Variants in ADAMTSL4 observed in about 807,000 individuals in gnomAD.
ADAMTSL4 encodes the protein ADAMTS like 4, also known as ADAMTS-like protein 4.
In ADAMTSL4, 97 loss-of-function variants were observed where a neutral mutation model predicts 122.8. That is an observed-to-expected ratio of 0.79 (90% CI 0.67 to 0.93). The LOEUF is 0.93. ADAMTSL4 is among the 40% of genes least tolerant of loss of function. The pLI is 0.00. For missense variants in ADAMTSL4, 1,408 were observed against 1,453.5 expected (o/e 0.97, Z 0.51); for synonymous variants, 592 against 568.0 (o/e 1.04, Z -0.60).
rs766291988 is a variant in ADAMTSL4 at position 150,555,416 on chromosome 1, C to T, written c.1235-13C>T. On this transcript the variant is annotated splice_polypyrimidine_tract_variant and intron_variant, in intron 7 of 18. Coordinates refer to ENST00000271643, the MANE Select transcript of ADAMTSL4 (RefSeq NM_019032.6). The stretch of plus-strand genomic sequence containing the variant: ...AGGGAGCCCACTAACCACCCTTCTA[C>T]CCTGTCCCTTAGTCCAGGGCTCCCA... 15 of 1,613,880 alleles carry T rather than the reference C, an allele frequency of 9.3e-6. 1 individual carries two copies. The highest frequency in any genetic ancestry group is 6.6e-5 in the South Asian group (6 of 91,084).
In ADAMTSL4 at chr1:150,552,757, C is replaced by A; in HGVS notation, c.79-141C>A. On this transcript the variant is annotated intron_variant, in intron 4 of 18. Transcript: ENST00000271643. This position sits in a 1 kb window ranked among gnomAD's most constrained non-coding sequence, Gnocchi z 4.0. ...TTCCTTGCCTCATAACACCAAGAGG[C>A]CGAGGTGTAGTTCTCCCTCTGCTGC... 7.8e-7 allele frequency: 1 copy of A among 1,284,496 alleles called. No homozygotes were observed. The highest frequency in any genetic ancestry group is 1.2e-5 in the South Asian group (1 of 81,784). 79.6% of individuals were successfully genotyped at this position (1,284,496 alleles called of 1,614,324 possible). A position where few individuals can be genotyped will look rare whatever the true frequency, so the allele number is the denominator to read the frequency against.
Position 150,552,189 on chromosome 1 carries a change from G to T in ADAMTSL4, c.-84-16G>T. On this transcript the variant is annotated splice_polypyrimidine_tract_variant and intron_variant, in intron 2 of 18. Coordinates refer to ENST00000271643, the MANE Select transcript of ADAMTSL4 (RefSeq NM_019032.6). This position sits in a 1 kb window ranked among gnomAD's most constrained non-coding sequence, Gnocchi z 4.0. The stretch of plus-strand genomic sequence containing the variant: ...TGGACACTGGAGAGGTAACCACCAG[G>T]CTTCTGTCCCTGCAGAGAGCACCCT... 7.7e-7 allele frequency: 1 copy of T among 1,297,952 alleles called. No homozygotes were observed. Among genetic ancestry groups the T allele is most frequent in the Non-Finnish European group, 1.1e-6 (1 of 931,184 alleles). 80.4% of individuals were successfully genotyped at this position (1,297,952 alleles called of 1,614,324 possible). A position where few individuals can be genotyped will look rare whatever the true frequency, so the allele number is the denominator to read the frequency against.
intron 2 of ADAMTSL4, chr1:150,550,992 A>G (rs1295159412): frequency 2.2e-6 from 1 of 449,192 alleles, no homozygotes; most frequent in East Asian, 7.0e-5. Context: ...ACAGAAACAG[A>G]TTTTTTTTTT....
rs995446810 is a variant in ADAMTSL4 at position 150,554,472 on chromosome 1, G to A, written c.1234+5G>A. On this transcript the variant is annotated splice_donor_5th_base_variant and intron_variant, in intron 7 of 18. Transcript: ENST00000271643. The surrounding 1 kb of genome is among the most constrained non-coding windows in gnomAD (Gnocchi z 4.0). The stretch of plus-strand genomic sequence containing the variant: ...AGTGGGAGCCCTTCACTGAAGGTGA[G>A]GTTTCTTGCTCACCCCTGGGCAGTG... 2 of 1,614,038 alleles carry A rather than the reference G, an allele frequency of 1.2e-6. No homozygotes were observed. Among genetic ancestry groups the A allele is most frequent in the Admixed American group, 3.3e-5 (2 of 59,994 alleles).
intron 14 of ADAMTSL4, 85 bp from the exon 15 acceptor site, chr1:150,558,388 A>G (rs920146314): frequency 2.5e-6 from 4 of 1,594,342 alleles, no homozygotes; most frequent in Admixed American, 1.7e-5. Flanking sequence ...GATCGAAGGC[A>G]GAGCCTGGTT....
intron 2 of ADAMTSL4, chr1:150,551,014 G>A (rs1395165921): frequency 2.2e-6 from 1 of 456,058 alleles, no homozygotes; most frequent in Admixed American, 2.3e-5. Context: ...CTGGAAAGCA[G>A]AACTAAGAGT....
In ADAMTSL4 at chr1:150,554,173, C is replaced by T. The variant is rs1043015674; in HGVS notation, c.1131+51C>T. On this transcript the variant is annotated intron_variant, in intron 6 of 18. Coordinates refer to ENST00000271643, the MANE Select transcript of ADAMTSL4 (RefSeq NM_019032.6). The surrounding 1 kb of genome is among the most constrained non-coding windows in gnomAD (Gnocchi z 4.0). ...CAACCCCGACCTCCAGTGTGGCTTC[C>T]CTGCCCTGAAGCTGGGTCTTCAGCT... The T allele has an allele frequency of 1.3e-6, 2 of 1,587,946 alleles. No individual in the cohort carries two copies. Among genetic ancestry groups the T allele is most frequent in the Non-Finnish European group, 1.7e-6 (2 of 1,171,932 alleles).
rs775323423 is a variant in ADAMTSL4 at position 150,558,972 on chromosome 1, A to T, written c.2570A>T (p.Glu857Val). The change falls in exon 16 of 19, where the codon GAG becomes GTG. Residue 857 changes from glutamate (E) to valine (V), a missense_variant. Physicochemically the swap from Glu to Val is moderately radical, Grantham distance 121. Coordinates refer to ENST00000271643, the MANE Select transcript of ADAMTSL4 (RefSeq NM_019032.6). ...HSDWSSKCSA[E>V]CGTGIQRRSV... Reference sequence around the variant, plus strand: ...TCTCCTCCTCCGCAGTGCTCAGCCGAGTGTGGGACGGGAATCCAGCGGCGC... The same window carrying T: ...TCTCCTCCTCCGCAGTGCTCAGCCGTGTGTGGGACGGGAATCCAGCGGCGC... 2 of 1,608,820 alleles carry T rather than the reference A, an allele frequency of 1.2e-6. No individual in the cohort carries two copies. Among genetic ancestry groups the T allele is most frequent in the East Asian group, 2.2e-5 (1 of 44,756 alleles).
chr1:150,555,630 T>G lies in ADAMTSL4; in HGVS notation c.1371+65T>G, dbSNP rs1671960526. On this transcript the variant is annotated intron_variant, in intron 8 of 18. Coordinates refer to ENST00000271643, the MANE Select transcript of ADAMTSL4 (RefSeq NM_019032.6). ...ATGCACACAGACACATGCCCCCATA[T>G]GCATACACATGTACACACATATGTA... The G allele has an allele frequency of 4.5e-6, 7 of 1,562,544 alleles. No individual in the cohort carries two copies. In the South Asian group the frequency reaches 8.0e-5, roughly 18 times the overall value.
Position 150,559,287 on chromosome 1 carries a change from T to C in ADAMTSL4, c.2764T>C (p.Cys922Arg), listed in dbSNP as rs1266753711. The C allele has an allele frequency of 1.9e-6, 3 of 1,613,850 alleles. No individual in the cohort carries two copies. Among genetic ancestry groups the C allele is most frequent in the East Asian group, 2.2e-5 (1 of 44,896 alleles). ...WRWYTGPWGE[C>R]SSECGSGTQR... ...TCACCCTGCCCTCCCCCTACACTAGTGCTCCTCCGAATGTGGCTCTGGCAC... is the reference window on the plus strand; with the variant it reads ...TCACCCTGCCCTCCCCCTACACTAGCGCTCCTCCGAATGTGGCTCTGGCAC... The change falls in exon 17 of 19, where the codon TGC becomes CGC. Residue 922 changes from cysteine to arginine, a missense_variant and splice_region_variant. Physicochemically the swap from Cys to Arg is radical, Grantham distance 180. Transcript: ENST00000271643. The surrounding 1 kb of genome is among the most constrained non-coding windows in gnomAD (Gnocchi z 4.1).
Position 150,557,614 on chromosome 1 carries a change from GC to G in ADAMTSL4, c.2174del (p.Pro725HisfsTer94), listed in dbSNP as rs1672306962. ...CCTGAACCCTGCCACGGCACCCCATGCCCCCCATAGTGAGTATGGGGGAGCC... is the reference window on the plus strand; with the variant it reads ...CCTGAACCCTGCCACGGCACCCCATGCCCCCATAGTGAGTATGGGGGAGCC... ...ASPEPCHGTP[C>X]PPYWEAGEWT... is the part of the protein sequence containing the mutation. On this transcript the variant is annotated frameshift_variant, in exon 13 of 19. Coordinates refer to ENST00000271643, the MANE Select transcript of ADAMTSL4 (RefSeq NM_019032.6). LOFTEE classifies it high-confidence loss of function. 2 of 1,599,708 alleles carry G rather than the reference GC, an allele frequency of 1.3e-6. No homozygotes were observed. Among genetic ancestry groups the G allele is most frequent in the Admixed American group, 1.7e-5 (1 of 57,884 alleles).
chr1:150,550,466 G>T (rs1312372758), intron 2 of ADAMTSL4: 1 of 397,292 alleles, frequency 2.5e-6, no homozygotes. Context: ...GCTCGGGATG[G>T]GATTATGTGT....
At chr1:150,551,918 G>A in intron 2 of ADAMTSL4, 1 of 267,452 alleles carries the variant, frequency 3.7e-6, no homozygotes, top group Admixed American at 5.1e-5. Context: ...CCTTTTGTGT[G>A]TGCCTGAGCC....
In ADAMTSL4 at chr1:150,556,301, T is replaced by C. The variant is rs1672107936; in HGVS notation, c.1511T>C (p.Leu504Ser). Residue 504 changes from leucine to serine, a missense_variant, in exon 9 of 19, where the codon TTG (leucine) becomes TCG (serine). By Grantham distance (145) the Leu-to-Ser change is moderately radical. Coordinates refer to ENST00000271643, the MANE Select transcript of ADAMTSL4 (RefSeq NM_019032.6). The surrounding 1 kb of genome is among the most constrained non-coding windows in gnomAD (Gnocchi z 4.1). ...RGGPLGYQKI[L>S]WIPAGALRLQ... is the part of the protein sequence containing the mutation. The stretch of plus-strand genomic sequence containing the variant: ...GGCCCCCTGGGCTATCAGAAGATCT[T>C]GTGGATTCCAGCGGGAGCCTTGCGG... 2 of 1,613,958 alleles carry C rather than the reference T, an allele frequency of 1.2e-6. No homozygotes were observed. The highest frequency in any genetic ancestry group is 1.7e-6 in the Non-Finnish European group (2 of 1,180,018).
In ADAMTSL4 at chr1:150,556,926, C is replaced by G. The variant is rs781385337; in HGVS notation, c.1750-13C>G. On this transcript the variant is annotated splice_polypyrimidine_tract_variant and intron_variant, in intron 10 of 18. Coordinates refer to ENST00000271643, the MANE Select transcript of ADAMTSL4 (RefSeq NM_019032.6). The surrounding 1 kb of genome is among the most constrained non-coding windows in gnomAD (Gnocchi z 4.1). ...GCCACCCCCACATATTCATTATCTT[C>G]TCTTCTCCCCAGATGATCTTTCAGG... is the stretch of plus-strand genomic sequence containing the variant. The G allele has an allele frequency of 6.2e-7, 1 of 1,612,654 alleles. No individual in the cohort carries two copies.
At chr1:150,550,660 A>G (rs1224384909) in intron 2 of ADAMTSL4, 5 of 440,930 alleles carry the variant, frequency 1.1e-5, no homozygotes, top group South Asian at 7.9e-5. Flanking sequence ...TGGGTGGAAC[A>G]TGGGCCCTTC....
At chr1:150,558,226 T>C in intron 14 of ADAMTSL4, 77 bp downstream of exon 14, 2 of 1,596,684 alleles carry the variant, frequency 1.3e-6, no homozygotes, top group Non-Finnish European at 1.7e-6. Flanking sequence ...TTTCAACTTC[T>C]TTTTCATCAG....
chr1:150,558,812 C>A, intron 15 of ADAMTSL4, 150 bp from the exon 16 acceptor site: 1 of 1,541,714 alleles, frequency 6.5e-7, no homozygotes, highest in Non-Finnish European at 8.7e-7. Context: ...ATGAGGGGCC[C>A]GGCTAGGATT....
intron 2 of ADAMTSL4, chr1:150,550,792 C>T (rs1164931618): frequency 3.3e-5 from 15 of 456,370 alleles, no homozygotes; most frequent in African/African-American, 1.2e-4. Context: ...CTGAGGCGCC[C>T]GCTCTGGCTC....
Sources: gnomAD v4.1 joint callset for allele counts on GRCh38, gnomAD v4.1.1 for gene constraint, Gnocchi (gnomAD v3.1) non-coding constraint, MANE v1.5 for transcripts, NCBI Gene and HGNC (gene_info 2026-07-23, HGNC 2026-07-21) for gene names.